Variants in USP34 observed in about 807,000 individuals in gnomAD.
USP34 encodes the protein ubiquitin carboxyl-terminal hydrolase 34.
USP34 carries 70 observed loss-of-function variants against 460.3 expected under a neutral mutation model. The ratio of observed to expected loss-of-function variants is 0.15; its 90% confidence interval spans 0.13 to 0.19. The LOEUF (loss-of-function observed/expected upper bound fraction) is 0.19. Ranked by LOEUF, USP34 falls within the 10% of genes least tolerant of loss-of-function variation. The probability of loss-of-function intolerance (pLI) is 1.00; values close to 1 mark genes in which losing one functional copy is unlikely to be tolerated. For synonymous variants in USP34, 1,647 were observed against 1,405.3 expected (o/e 1.17, Z -3.85); for missense variants, 3,985 against 4,236.2 (o/e 0.94, Z 1.65).
chr2:61,352,757 G>A (rs1691979223), intron 10 of USP34, among the ~76,000 whole-genome samples: 2 of 151,856 alleles, frequency 1.3e-5, no homozygotes, highest in African/African-American at 2.4e-5. Flanking sequence ...TATTAAGAAT[G>A]CGTGGTGGTG....
At chr2:61,189,429 C>T (rs1235942823) in intron 78 of USP34, 5 of 164,126 alleles carry the variant, frequency 3.0e-5, no homozygotes, top group South Asian at 1.7e-4. Flanking sequence ...CCCGCCACCA[C>T]GCCTGGCTTA....
At chr2:61,470,159 G>C (rs768318414) in intron 1 of USP34, among the ~76,000 whole-genome samples, 5 of 152,220 alleles carry the variant, frequency 3.3e-5, no homozygotes, top group Non-Finnish European at 7.3e-5. Flanking sequence ...AAACCCGCAA[G>C]GGAGGGAAAA....
chr2:61,378,913 G>GAAAAAAAA (rs34463913), intron 7 of USP34, among the ~76,000 whole-genome samples: 1,475 of 57,940 alleles, frequency 0.025, 154 homozygotes, highest in South Asian at 0.035. Flanking sequence ...TCAAAAAAAC[G>GAAAAAAAA]AAAAAAAAAA....
In USP34 at chr2:61,266,774, GAGAT is replaced by G. The variant is rs1457124868; in HGVS notation, c.5434-611_5434-608del. Among the ~76,000 whole-genome samples, 3 of 152,190 alleles carry G rather than the reference GAGAT, an allele frequency of 2.0e-5. No homozygotes were observed. The East Asian group carries it at 5.8e-4, about 29-fold the overall frequency. ...ACCTCCTGGAGTACTGTGCAGAAAAGAGATAGCACAGTAAGACTGAGACTCTTGA... is the reference window on the plus strand; with the variant it reads ...ACCTCCTGGAGTACTGTGCAGAAAAGAGCACAGTAAGACTGAGACTCTTGA... On this transcript the variant is annotated intron_variant, in intron 41 of 79. Coordinates refer to ENST00000398571, the MANE Select transcript of USP34 (RefSeq NM_014709.4).
chr2:61,271,504 C>G (rs531807609), intron 41 of USP34, among the ~76,000 whole-genome samples: 1 of 152,134 alleles, frequency 6.6e-6, no homozygotes, highest in East Asian at 1.9e-4. Flanking sequence ...CATCCATTTG[C>G]TCAACATAGT....
chr2:61,332,099 G>T (rs1429434202), intron 19 of USP34, among the ~76,000 whole-genome samples: 1 of 151,962 alleles, frequency 6.6e-6, no homozygotes, highest in Non-Finnish European at 1.5e-5. Flanking sequence ...AAAGACTTTG[G>T]GTTTGAAGGC....
chr2:61,239,853 A>G (rs1688195078), intron 53 of USP34, among the ~76,000 whole-genome samples: 1 of 152,024 alleles, frequency 6.6e-6, no homozygotes, highest in Non-Finnish European at 1.5e-5. Flanking sequence ...TAAAAATACA[A>G]AAAAGACATT....
intron 2 of USP34, 136 bp downstream of exon 2, chr2:61,420,610 A>G (rs1176255633): frequency 2.1e-6 from 1 of 483,312 alleles, no homozygotes; most frequent in Non-Finnish European, 3.6e-6. Context: ...TAAAGATTTA[A>G]TAAATATTGA....
chr2:61,378,045 C>T (rs193029506), intron 8 of USP34, among the ~76,000 whole-genome samples: 10 of 152,248 alleles, frequency 6.6e-5, no homozygotes, highest in Admixed American at 5.2e-4. Flanking sequence ...TGCTGGCATG[C>T]GCCTATGGTC....
At chr2:61,360,761 A>G (rs947249582) in intron 10 of USP34, among the ~76,000 whole-genome samples, 1 of 152,102 alleles carries the variant, frequency 6.6e-6, no homozygotes, top group Non-Finnish European at 1.5e-5. Flanking sequence ...GGCTCAAGCA[A>G]TCCTCCACCT....
chr2:61,429,681 G>C (rs1457338182), intron 1 of USP34, among the ~76,000 whole-genome samples: 2 of 151,866 alleles, frequency 1.3e-5, no homozygotes, highest in African/African-American at 2.4e-5. Flanking sequence ...AAAAGAAACC[G>C]ACTACTGATG....
Position 61,390,807 on chromosome 2 carries a change from A to T in USP34, c.753+4046T>A, listed in dbSNP as rs556547474. 2.7e-3 allele frequency among the ~76,000 whole-genome samples: 416 copies of T among 152,138 alleles called. 1 individual carries two copies. The highest frequency in any genetic ancestry group is 9.3e-3 in the African/African-American group (387 of 41,514). On this transcript the variant is annotated intron_variant, in intron 5 of 79. Coordinates refer to ENST00000398571, the MANE Select transcript of USP34 (RefSeq NM_014709.4). Reference sequence around the variant, plus strand: ...TCTAGATTCAGGTTCTGAAAAAAAAAACTCACCAGCCAGGCGCAGTGGCTC... The same window carrying T: ...TCTAGATTCAGGTTCTGAAAAAAAATACTCACCAGCCAGGCGCAGTGGCTC...
chr2:61,452,837 A>C (rs1481220804), intron 1 of USP34, among the ~76,000 whole-genome samples: 1 of 150,756 alleles, frequency 6.6e-6, no homozygotes, highest in Non-Finnish European at 1.5e-5. Context: ...GTCAGTCTTG[A>C]TCACGCCACT....
At chr2:61,375,435 T>C (rs377661880) in intron 8 of USP34, among the ~76,000 whole-genome samples, 51 of 149,910 alleles carry the variant, frequency 3.4e-4, no homozygotes, top group African/African-American at 1.2e-3. Flanking sequence ...ACAAAAGGAC[T>C]TTACATAAAT....
chr2:61,208,972 A>C lies in USP34; in HGVS notation c.8846T>G (p.Phe2949Cys). 6.4e-7 allele frequency: 1 copy of C among 1,573,562 alleles called. No individual in the cohort carries two copies. Among genetic ancestry groups the C allele is most frequent in the Non-Finnish European group, 8.6e-7 (1 of 1,160,046 alleles). The change falls in exon 70 of 80, where the codon TTC becomes TGC. Residue 2949 changes from phenylalanine to cysteine, a missense_variant. Physicochemically the swap from Phe to Cys is radical, Grantham distance 205 (BLOSUM62 -2). Coordinates refer to ENST00000398571, the MANE Select transcript of USP34 (RefSeq NM_014709.4). ...RSCWTTLISA[F>C]RILLESDEDR... Reference sequence around the variant, plus strand: ...TTCATCAGATTCTAATAGTATTCTGAAGGCACTAGAAGAAAACATAAAGTT... The same window carrying C: ...TTCATCAGATTCTAATAGTATTCTGCAGGCACTAGAAGAAAACATAAAGTT...
chr2:61,470,411 G>T (rs1373132943), intron 1 of USP34, among the ~76,000 whole-genome samples: 2 of 151,266 alleles, frequency 1.3e-5, no homozygotes, highest in Non-Finnish European at 3.0e-5. Flanking sequence ...CAGAGCGCCC[G>T]GGCCAGGCCG....
chr2:61,393,870 G>C (rs773596088), intron 5 of USP34, among the ~76,000 whole-genome samples: 13 of 152,050 alleles, frequency 8.5e-5, no homozygotes, highest in African/African-American at 1.2e-4. Context: ...GGGCACAGTC[G>C]CTCACGCCTG....
chr2:61,334,699 C>T (rs1459272742), intron 18 of USP34, among the ~76,000 whole-genome samples: 4 of 152,110 alleles, frequency 2.6e-5, no homozygotes, highest in African/African-American at 4.8e-5. Context: ...ATATGTTTGA[C>T]GTTAGAGAAA....
At chr2:61,290,841 G>C (rs957225881) in intron 33 of USP34, among the ~76,000 whole-genome samples, 1 of 152,050 alleles carries the variant, frequency 6.6e-6, no homozygotes, top group Admixed American at 6.6e-5. Flanking sequence ...AAAAGTGAGA[G>C]CTAAAACCAG....
Sources: gnomAD v4.1 joint callset for allele counts (sites outside exome capture counted in the v4.1 genomes callset) on GRCh38, gnomAD v4.1.1 for gene constraint, MANE v1.5 for transcripts, NCBI Gene and HGNC (gene_info 2026-07-23, HGNC 2026-07-21) for gene names.